Variants in CCDC122 observed in about 807,000 individuals in gnomAD.
CCDC122 encodes the protein coiled-coil domain-containing protein 122.
In CCDC122, 38 loss-of-function variants were observed where a neutral mutation model predicts 37.0. The observed-to-expected ratio is 1.03, with a 90% confidence interval of 0.79 to 1.35. The LOEUF (loss-of-function observed/expected upper bound fraction) is 1.35, where lower values mean the gene tolerates loss of function less well. CCDC122 is among the 40% of genes most tolerant of loss of function. The pLI is 0.00. For missense variants in CCDC122, 305 were observed against 310.0 expected (o/e 0.98, Z 0.12); for synonymous variants, 83 against 95.6 (o/e 0.87, Z 0.77).
Position 43,869,404 on chromosome 13 carries a change from T to G in CCDC122, c.-28A>C. The G allele has an allele frequency of 1.3e-6, 2 of 1,583,920 alleles. No individual in the cohort carries two copies. The highest frequency in any genetic ancestry group is 1.1e-5 in the South Asian group (1 of 87,550). On this transcript the variant is annotated 5_prime_UTR_variant, in exon 3 of 7. Transcript: ENST00000444614. ...TCTGTGTCTGTAATCTCTTTTCCCC[T>G]TTTTGATTTACCTTCTTTACTCCTA...
Position 43,875,329 on chromosome 13 carries a change from G to A in CCDC122, c.-199-402C>T, listed in dbSNP as rs539574999. ...CCAAACCAAGAGGAACTTTATAGTGGGTTAAATAGTGCCCTCCCGCACATC... is the reference window on the plus strand; with the variant it reads ...CCAAACCAAGAGGAACTTTATAGTGAGTTAAATAGTGCCCTCCCGCACATC... On this transcript the variant is annotated intron_variant, in intron 1 of 6. Transcript: ENST00000444614. 3.9e-5 allele frequency among the ~76,000 whole-genome samples: 6 copies of A among 152,226 alleles called. No individual in the cohort carries two copies. In the East Asian group the frequency reaches 1.2e-3, roughly 29 times the overall value.
intron 6 of CCDC122, among the ~76,000 whole-genome samples, chr13:43,845,206 C>T (rs1172011143): frequency 3.9e-5 from 6 of 152,262 alleles, no homozygotes; most frequent in African/African-American, 1.4e-4. Flanking sequence ...CTTCAATTAA[C>T]ATATCAGTAC....
intron 1 of CCDC122, among the ~76,000 whole-genome samples, chr13:43,876,079 G>C (rs1954601671): frequency 6.6e-6 from 1 of 152,218 alleles, no homozygotes; most frequent in African/African-American, 2.4e-5. Context: ...GAAGTCACCA[G>C]ACAACAGAAG....
intron 3 of CCDC122, among the ~76,000 whole-genome samples, chr13:43,827,926 A>G (rs536140004): frequency 6.6e-5 from 10 of 152,340 alleles, no homozygotes; most frequent in African/African-American, 2.4e-4. Flanking sequence ...ACACCTAGGC[A>G]GAGGGAATAG....
At position 43,859,846 on chromosome 13, in the gene CCDC122, T is replaced by C; in HGVS notation, c.381A>G (p.Ala127=). 3 of 1,607,760 alleles carry C rather than the reference T, an allele frequency of 1.9e-6. No individual in the cohort carries two copies. Among genetic ancestry groups the C allele is most frequent in the African/African-American group, 1.3e-5 (1 of 74,700 alleles). The change falls in exon 5 of 7, where the codon GCA becomes GCG. Residue 127 remains alanine, a synonymous_variant. Coordinates refer to ENST00000444614, the MANE Select transcript of CCDC122 (RefSeq NM_144974.5). ...DFEEHMIKYN[A]YYAKIKAHKN... ...TATGTGCTTTTATTTTTGCATAATA[T>C]GCATTATATTTTATCATGTGTTCCT...
chr13:43,846,274 A>G (rs1264191170), intron 6 of CCDC122, among the ~76,000 whole-genome samples: 1 of 152,030 alleles, frequency 6.6e-6, no homozygotes, highest in Non-Finnish European at 1.5e-5. Flanking sequence ...GGGTTTCAAC[A>G]CGTTGGCCAG....
chr13:43,854,858 A>C (rs1158410971), intron 6 of CCDC122: 1 of 152,232 alleles, frequency 6.6e-6, no homozygotes, highest in Admixed American at 6.5e-5. Context: ...ATATAAACAG[A>C]ACTGAAGACA....
In CCDC122 at chr13:43,836,828, G is replaced by C. The variant is rs1210643610; in HGVS notation, c.*452C>G. The stretch of plus-strand genomic sequence containing the variant: ...CTGCGCCACTGCAGTCCGCAGTCCG[G>C]CCTGGGCGACAGAGCGAGACTCCGT... On this transcript the variant is annotated 3_prime_UTR_variant, in exon 7 of 7. Transcript: ENST00000444614. 2 of 128,834 alleles carry C rather than the reference G, an allele frequency of 1.6e-5. No homozygotes were observed. The highest frequency in any genetic ancestry group is 3.1e-5 in the Non-Finnish European group (2 of 64,142). The allele number at this position is 128,834 out of a possible 1,614,324, so 8.0% of individuals were successfully genotyped here. A position where few individuals can be genotyped will look rare whatever the true frequency, so the allele number is the denominator to read the frequency against.
Position 43,859,980 on chromosome 13 carries a change from T to G in CCDC122, c.247A>C (p.Ile83Leu). Residue 83 changes from isoleucine (I) to leucine (L), a missense_variant, in exon 5 of 7, where the codon ATA (isoleucine) becomes CTA (leucine). Physicochemically the swap from Ile to Leu is conservative, Grantham distance 5. Transcript: ENST00000444614. ...TCACAATGAAGTTTGGTATTCTCTA[T>G]GGCAGAATCTTGTTGATAAATTTGT... ...ERQIYQQDSAIENTKLHCDSL... is the reference protein window; with the variant it reads ...ERQIYQQDSALENTKLHCDSL... The G allele has an allele frequency of 6.3e-7, 1 of 1,599,182 alleles. No individual in the cohort carries two copies. The highest frequency in any genetic ancestry group is 8.5e-7 in the Non-Finnish European group (1 of 1,172,944).
At chr13:43,874,284 T>C (rs1954538039) in intron 2 of CCDC122, among the ~76,000 whole-genome samples, 2 of 152,214 alleles carry the variant, frequency 1.3e-5, no homozygotes, top group Admixed American at 1.3e-4. Context: ...ATTAGGGTTA[T>C]TGTGAAGACT....
chr13:43,837,419 T>A lies in CCDC122; in HGVS notation c.683A>T (p.Lys228Met), dbSNP rs760318885. 9.9e-6 allele frequency: 16 copies of A among 1,613,634 alleles called. No individual in the cohort carries two copies. The South Asian group carries it at 1.8e-4, about 18-fold the overall frequency. Residue 228 changes from lysine (K) to methionine (M), a missense_variant, in exon 7 of 7, where the codon AAG (lysine) becomes ATG (methionine). By Grantham distance (95) the Lys-to-Met change is moderately conservative. Coordinates refer to ENST00000444614, the MANE Select transcript of CCDC122 (RefSeq NM_144974.5). ...ACGCTTAAGAATTGCATCATACCTC[T>A]TATGTTGTACCTATCAAAAGAAGAG... ...KLRKEIEVQH[K>M]RYDAILKRLH...
At chr13:43,872,539 T>C (rs1390297028) in intron 2 of CCDC122, among the ~76,000 whole-genome samples, 2 of 152,108 alleles carry the variant, frequency 1.3e-5, no homozygotes, top group Non-Finnish European at 2.9e-5. Flanking sequence ...AGTTGGTAAT[T>C]TACCTTCTAA....
At chr13:43,835,655 C>G (rs1953144059), downstream of CCDC122, among the ~76,000 whole-genome samples, 2 of 152,124 alleles carry the variant, frequency 1.3e-5, no homozygotes, top group Non-Finnish European at 2.9e-5. Context: ...GTTTTTGAAT[C>G]TATAACTCAA....
chr13:43,859,635 A>C, intron 5 of CCDC122, 37 bp downstream of exon 5: 1 of 1,426,540 alleles, frequency 7.0e-7, no homozygotes, highest in Non-Finnish European at 9.3e-7. Flanking sequence ...AAAAAGGAGT[A>C]ATAGAAAAAA....
intron 6 of CCDC122, among the ~76,000 whole-genome samples, chr13:43,840,982 T>G (rs577676830): frequency 6.6e-6 from 1 of 152,324 alleles, no homozygotes; most frequent in South Asian, 2.1e-4. Flanking sequence ...ATGGTTTAAC[T>G]AGTCTACAGT....
At chr13:43,869,736 G>T (rs761328198) in intron 2 of CCDC122, among the ~76,000 whole-genome samples, 1 of 152,032 alleles carries the variant, frequency 6.6e-6, no homozygotes, top group African/African-American at 2.4e-5. Context: ...TATGTAGCAT[G>T]CATAGAACAG....
At chr13:43,843,209 A>G (rs2153870727) in intron 6 of CCDC122, among the ~76,000 whole-genome samples, 1 of 152,090 alleles carries the variant, frequency 6.6e-6, no homozygotes, top group Admixed American at 6.5e-5. Context: ...GTTTCCTTCT[A>G]TTCTTAATTT....
intron 4 of CCDC122, among the ~76,000 whole-genome samples, chr13:43,864,954 AC>A (rs1352113675): frequency 6.6e-6 from 1 of 151,578 alleles, no homozygotes; most frequent in Non-Finnish European, 1.5e-5. Flanking sequence ...ATGTGATGAA[AC>A]CTCCATAGGA....
rs1023870143 is a variant in CCDC122, at chr13:43,827,149, C to A, written n.602-3138G>T. ...TCAAAGTATTTATAATGAAAGGACA[C>A]AAAAGCATATTTCTTGTGGTTTGTT... On this transcript the variant is annotated intron_variant and non_coding_transcript_variant, in intron 3 of 3. Coordinates refer to the CCDC122 transcript ENST00000470137. Among the ~76,000 whole-genome samples the A allele has an allele frequency of 4.6e-5, 7 of 152,190 alleles. 1 individual carries two copies. Among genetic ancestry groups the A allele is most frequent in the Admixed American group, 4.6e-4 (7 of 15,278 alleles).
Sources: gnomAD v4.1 joint callset for allele counts (sites outside exome capture counted in the v4.1 genomes callset) on GRCh38, gnomAD v4.1.1 for gene constraint, MANE v1.5 for transcripts, NCBI Gene and HGNC (gene_info 2026-07-23, HGNC 2026-07-21) for gene names.